SOS2: variants seen among roughly 807,000 people sequenced by gnomAD.
SOS2 encodes SOS Ras/Rho guanine nucleotide exchange factor 2.
A neutral mutation model predicts 148.2 loss-of-function variants in SOS2; 65 were observed. That is an observed-to-expected ratio of 0.44 (90% CI 0.36 to 0.54). SOS2 has a LOEUF of 0.54. Ranked by LOEUF, SOS2 falls within the 20% of genes least tolerant of loss-of-function variation. The probability of loss-of-function intolerance (pLI) is 0.00; values close to 1 mark genes in which losing one functional copy is unlikely to be tolerated. For missense variants in SOS2, 1,341 were observed against 1,590.2 expected, an observed-to-expected ratio of 0.84 and a Z score of 2.67; for synonymous variants, 539 against 537.1, an observed-to-expected ratio of 1.00 and a Z score of -0.05.
In SOS2 at chr14:50,180,532, T is replaced by TAA. The variant is rs748956316; in HGVS notation, c.969+39_969+40insTT. 0.015 allele frequency: 6,937 copies of TAA among 462,500 alleles called. 259 individuals carry two copies. Among genetic ancestry groups the TAA allele is most frequent in the African/African-American group, 0.036 (839 of 23,558 alleles). The allele number at this position is 462,500 out of a possible 1,614,324, so 28.6% of individuals were successfully genotyped here. ...AATAGTGAGATATTTATTTGCTTTA[T>TAA]TAAAAAAAAAAAAAAAAAAAACCTT... On this transcript the variant is annotated intron_variant, in intron 7 of 22. Transcript: ENST00000216373.
chr14:50,151,720 A>G (rs1884669341), intron 13 of SOS2, among the ~76,000 whole-genome samples: 1 of 152,090 alleles, frequency 6.6e-6, no homozygotes, highest in African/African-American at 2.4e-5. Context: ...TTTAGAATAT[A>G]AATTTTTGTT....
chr14:50,133,095 T>C (rs1469178363), intron 19 of SOS2, among the ~76,000 whole-genome samples: 1 of 152,022 alleles, frequency 6.6e-6, no homozygotes, highest in Non-Finnish European at 1.5e-5. Flanking sequence ...ATGGACAAAA[T>C]GGTTGGTATT....
intron 22 of SOS2, among the ~76,000 whole-genome samples, chr14:50,119,531 A>AT (rs1883428739): frequency 6.6e-6 from 1 of 151,478 alleles, no homozygotes. Flanking sequence ...TTATTTTTTT[A>AT]TTTTTATTTT....
intron 5 of SOS2, among the ~76,000 whole-genome samples, chr14:50,186,417 C>A (rs1323018313): frequency 6.6e-6 from 1 of 152,040 alleles, no homozygotes; most frequent in Admixed American, 6.6e-5. Context: ...CCACTAGAGA[C>A]AAAATCCAAT....
chr14:50,194,146 T>C (rs1039654234), intron 4 of SOS2, among the ~76,000 whole-genome samples: 1 of 152,216 alleles, frequency 6.6e-6, no homozygotes, highest in African/African-American at 2.4e-5. Context: ...ACAGGCCAAA[T>C]CCAGCCTGCA....
Position 50,134,540 on chromosome 14 carries a change from G to C in SOS2, c.2959-301C>G, listed in dbSNP as rs534887441. 2.6e-5 allele frequency among the ~76,000 whole-genome samples: 4 copies of C among 151,988 alleles called. No homozygotes were observed. The South Asian group carries it at 8.3e-4, about 32-fold the overall frequency. On this transcript the variant is annotated intron_variant, in intron 18 of 22. Transcript: ENST00000216373. ...CAGCAGTAGCACTACTTATTCCTTA[G>C]GAAACTTTACTCCTACTCATTGTAA...
At position 50,225,159 on chromosome 14, in the gene SOS2, T is replaced by C. The variant is rs181475173; in HGVS notation, c.87+6038A>G. On this transcript the variant is annotated intron_variant, in intron 1 of 22. Coordinates refer to ENST00000216373, the MANE Select transcript of SOS2 (RefSeq NM_006939.4). ...TTATGGACATGGGGTCTCGCTATGT[T>C]GGCCAGGTTGGTCTTGAACTCCTGG... 4.8e-3 allele frequency among the ~76,000 whole-genome samples: 730 copies of C among 152,306 alleles called. 6 individuals carry two copies. The highest frequency in any genetic ancestry group is 8.0e-3 in the Non-Finnish European group (547 of 68,004).
At chr14:50,181,176 C>T (rs1045802512) in intron 6 of SOS2, among the ~76,000 whole-genome samples, 3 of 152,154 alleles carry the variant, frequency 2.0e-5, no homozygotes, top group South Asian at 2.1e-4. Flanking sequence ...TGACTGGGCG[C>T]GGTGGCTCAT....
intron 19 of SOS2, among the ~76,000 whole-genome samples, chr14:50,131,695 T>C (rs781439810): frequency 6.6e-6 from 1 of 152,144 alleles, no homozygotes; most frequent in Non-Finnish European, 1.5e-5. Context: ...ATGATGATGC[T>C]TGGGTAGAAG....
chr14:50,119,685 G>A (rs1000724130), intron 22 of SOS2, among the ~76,000 whole-genome samples: 3 of 151,444 alleles, frequency 2.0e-5, no homozygotes, highest in Non-Finnish European at 4.4e-5. Context: ...ACAGGTGCCC[G>A]CCACCATGCC....
rs1257537720 is a variant in SOS2 at position 50,201,183 on chromosome 14, A to T, written c.214-99T>A. ...CTTGATCTCTATTCTTAATGCTAGC[A>T]GATAATAGTGACACAATACATTCTG... On this transcript the variant is annotated intron_variant, in intron 2 of 22. Transcript: ENST00000216373. The T allele has an allele frequency of 1.4e-5, 15 of 1,098,310 alleles. No individual in the cohort carries two copies. The East Asian group carries it at 3.4e-4, about 25-fold the overall frequency. 68.0% of individuals were successfully genotyped at this position (1,098,310 alleles called of 1,614,324 possible).
chr14:50,154,616 T>G (rs1884757699), intron 12 of SOS2, among the ~76,000 whole-genome samples: 1 of 152,198 alleles, frequency 6.6e-6, no homozygotes, highest in Non-Finnish European at 1.5e-5. Context: ...ACTGGTATAT[T>G]CATATAATAA....
At chr14:50,186,986 G>A (rs1337296054) in intron 5 of SOS2, among the ~76,000 whole-genome samples, 1 of 152,202 alleles carries the variant, frequency 6.6e-6, no homozygotes, top group African/African-American at 2.4e-5. Flanking sequence ...GAGGAAGTTA[G>A]GAGGTACAAG....
chr14:50,118,948 TC>T, intron 22 of SOS2, 95 bp from the exon 23 acceptor site: 1 of 728,490 alleles, frequency 1.4e-6, no homozygotes, highest in South Asian at 2.8e-5. Flanking sequence ...CAAGTTAAAT[TC>T]AGAGGCTCAA....
At chr14:50,128,074 T>A (rs1302322917) in intron 21 of SOS2, among the ~76,000 whole-genome samples, 1 of 152,230 alleles carries the variant, frequency 6.6e-6, no homozygotes, top group Non-Finnish European at 1.5e-5. Flanking sequence ...TTTTCTCACG[T>A]AGCTACTAAA....
intron 18 of SOS2, among the ~76,000 whole-genome samples, chr14:50,136,849 C>T (rs1884098980): frequency 6.6e-6 from 1 of 152,166 alleles, no homozygotes; most frequent in Admixed American, 6.5e-5. Flanking sequence ...CTCAGCCTCT[C>T]AAAGTGCTGG....
chr14:50,118,855 T>G lies in SOS2; in HGVS notation c.3490-2A>C. On this transcript the variant is annotated splice_acceptor_variant, in intron 22 of 22. Transcript: ENST00000216373. LOFTEE classifies it high-confidence loss of function. The stretch of plus-strand genomic sequence containing the variant: ...ATCATCATCAGATTTCATATTTCCC[T>G]CAAAAAAAAAAGTAATTAAATTATA... The G allele has an allele frequency of 8.5e-7, 1 of 1,182,546 alleles. No homozygotes were observed. The highest frequency in any genetic ancestry group is 3.8e-5 in the Admixed American group (1 of 26,450). The allele number at this position is 1,182,546 out of a possible 1,614,324, so 73.3% of individuals were successfully genotyped here.
intron 1 of SOS2, among the ~76,000 whole-genome samples, chr14:50,211,032 G>GAT (rs4028229): frequency 0.83 from 124,128 of 149,242 alleles, 51,598 homozygotes; most frequent in East Asian, 0.9. Context: ...TCCACTATAG[G>GAT]ATATATATAT....
At chr14:50,148,040 T>C (rs924646241) in intron 14 of SOS2, among the ~76,000 whole-genome samples, 1 of 152,210 alleles carries the variant, frequency 6.6e-6, no homozygotes, top group Non-Finnish European at 1.5e-5. Context: ...TTTTAATCAG[T>C]AGATTTGTGT....
Sources: allele counts gnomAD v4.1 joint callset (sites outside exome capture counted in the v4.1 genomes callset), GRCh38; gene constraint gnomAD v4.1.1; transcripts MANE v1.5; gene names NCBI Gene and HGNC (gene_info 2026-07-23, HGNC 2026-07-21).